The following SMIM10L3 variants were observed in gnomAD, a reference collection of about 807,000 sequenced individuals.
SMIM10L3 encodes the protein small integral membrane protein 10 like 3.
At chr7:6,333,016 A>T in the SMIM10L3 span, among the ~76,000 whole-genome samples, 3 of 151,854 alleles carry the variant, frequency 2.0e-5, no homozygotes, top group Non-Finnish European at 2.9e-5. Flanking sequence ...AAACAGCCAG[A>T]CGTGCTGGCG....
chr7:6,330,404 CA>C, the SMIM10L3 span: 14 of 1,613,338 alleles, frequency 8.7e-6, no homozygotes, highest in African/African-American at 1.7e-4. Context: ...TTTGCTAATT[CA>C]AAAGGTTGCA....
chr7:6,329,626 T>A, the SMIM10L3 span: 2 of 161,250 alleles, frequency 1.2e-5, no homozygotes, highest in African/African-American at 4.8e-5. Context: ...ACAACAGGAG[T>A]CACCTTGAAA....
the SMIM10L3 span, among the ~76,000 whole-genome samples, chr7:6,343,736 C>T: frequency 2.0e-5 from 3 of 152,026 alleles, no homozygotes; most frequent in Admixed American, 6.6e-5. Context: ...AATCATCTTT[C>T]ATCCTAAAGA....
the SMIM10L3 span, among the ~76,000 whole-genome samples, chr7:6,333,220 C>T: frequency 6.8e-3 from 1,023 of 150,196 alleles, 10 homozygotes; most frequent in Non-Finnish European, 0.011. Context: ...ATGAAGGATG[C>T]AGTTATTATT....
the SMIM10L3 span, among the ~76,000 whole-genome samples, chr7:6,339,906 C>G: frequency 3.1e-4 from 46 of 150,760 alleles, 1 homozygote; most frequent in East Asian, 7.1e-3. Context: ...CCGCAGGGAG[C>G]ATGAGTCTCA....
the SMIM10L3 span, among the ~76,000 whole-genome samples, chr7:6,346,021 A>C: frequency 6.6e-6 from 1 of 152,082 alleles, no homozygotes; most frequent in Non-Finnish European, 1.5e-5. Context: ...CGCCTGCTTC[A>C]GCCTCCCAAT....
the SMIM10L3 span, among the ~76,000 whole-genome samples, chr7:6,344,332 A>C: frequency 2.0e-5 from 3 of 152,166 alleles, no homozygotes; most frequent in Non-Finnish European, 4.4e-5. Flanking sequence ...GGTAAATATC[A>C]AGGCCAAGAA....
chr7:6,346,591 G>A, the SMIM10L3 span, among the ~76,000 whole-genome samples: 468 of 152,238 alleles, frequency 3.1e-3, no homozygotes, highest in Admixed American at 8.1e-3. Context: ...CTGTAGCCCA[G>A]GGTGGTCTCA....
the SMIM10L3 span, among the ~76,000 whole-genome samples, chr7:6,344,539 C>T: frequency 6.6e-6 from 1 of 152,094 alleles, no homozygotes; most frequent in Non-Finnish European, 1.5e-5. Context: ...CCACCTCAGT[C>T]TCCCAAGTAG....
chr7:6,330,512 G>T, the SMIM10L3 span: 9 of 1,613,988 alleles, frequency 5.6e-6, no homozygotes, highest in East Asian at 4.5e-5. Flanking sequence ...GGCTTTAAAC[G>T]GTCAAGGAAA....
the SMIM10L3 span, among the ~76,000 whole-genome samples, chr7:6,341,532 T>A: frequency 3.3e-5 from 5 of 149,728 alleles, no homozygotes; most frequent in Admixed American, 2.7e-4. Flanking sequence ...AAAAAAAATT[T>A]TTTTTAAATT....
chr7:6,341,971 C>T, the SMIM10L3 span: 8 of 151,862 alleles, frequency 5.3e-5, no homozygotes, highest in African/African-American at 1.9e-4. Context: ...GCACTCCAGC[C>T]TGGGCGACAA....
At chr7:6,329,559 G>C in the SMIM10L3 span, 1 of 154,198 alleles carries the variant, frequency 6.5e-6, no homozygotes, top group Non-Finnish European at 1.5e-5. Context: ...GTTTCACTTT[G>C]GGAGTCTTTA....
the SMIM10L3 span, among the ~76,000 whole-genome samples, chr7:6,346,947 C>A: frequency 6.6e-6 from 1 of 152,110 alleles, no homozygotes; most frequent in African/African-American, 2.4e-5. Flanking sequence ...CAGAGGTATG[C>A]AAATGGAATG....
chr7:6,330,387 T>C, the SMIM10L3 span: 1 of 1,612,170 alleles, frequency 6.2e-7, no homozygotes, highest in East Asian at 2.2e-5. Context: ...AACTATGGCA[T>C]AATGTATTTG....
the SMIM10L3 span, chr7:6,331,285 T>C: frequency 1.2e-6 from 1 of 808,012 alleles, no homozygotes; most frequent in African/African-American, 1.8e-5. Context: ...ACATGGGTCT[T>C]AAGAGCATCT....
the SMIM10L3 span, chr7:6,330,130 T>G: frequency 1.9e-6 from 1 of 513,750 alleles, no homozygotes; most frequent in Non-Finnish European, 3.5e-6. Context: ...CAGGCTATGA[T>G]CGTCTCCTGA....
chr7:6,333,434 C>T, the SMIM10L3 span, among the ~76,000 whole-genome samples: 1 of 151,986 alleles, frequency 6.6e-6, no homozygotes, highest in African/African-American at 2.4e-5. Flanking sequence ...GGCTGTTCCA[C>T]AGAGCAGGAA....
chr7:6,335,138 C>G, the SMIM10L3 span, among the ~76,000 whole-genome samples: 10 of 152,208 alleles, frequency 6.6e-5, no homozygotes, highest in African/African-American at 2.4e-4. Context: ...TCTTAGCTCA[C>G]TGCAACCTCT....
Sources: allele counts gnomAD v4.1 joint callset (sites outside exome capture counted in the v4.1 genomes callset), GRCh38; gene constraint gnomAD v4.1.1; transcripts MANE v1.5; gene names NCBI Gene and HGNC (gene_info 2026-07-23, HGNC 2026-07-21).